DUSP29: variants seen among roughly 807,000 people sequenced by gnomAD.
The protein encoded by DUSP29 is dual specificity phosphatase 29.
Under a neutral mutation model 13.5 loss-of-function variants are expected in DUSP29, and 12 were observed. The ratio of observed to expected loss-of-function variants is 0.89; its 90% CI spans 0.57 to 1.44. The LOEUF (loss-of-function observed/expected upper bound fraction) is 1.44. Among genes scored for constraint, DUSP29 ranks in the 40% most tolerant of loss-of-function variants. The probability of loss-of-function intolerance (pLI) is 0.00; values close to 1 mark genes in which losing one functional copy is unlikely to be tolerated. For synonymous variants in DUSP29, 134 were observed against 128.7 expected (o/e 1.04, Z -0.28); for missense variants, 308 against 301.1 (o/e 1.02, Z -0.17).
At chr10:75,059,650 G>C (rs184041070) in intron 1 of DUSP29, among the ~76,000 whole-genome samples, 2 of 152,116 alleles carry the variant, frequency 1.3e-5, no homozygotes, top group African/African-American at 4.8e-5. Context: ...CTTAGTGTCA[G>C]GGGGAGGGAG....
At chr10:75,056,083 G>T (rs929403197) in intron 2 of DUSP29, among the ~76,000 whole-genome samples, 17 of 151,656 alleles carry the variant, frequency 1.1e-4, no homozygotes, top group African/African-American at 3.6e-4. Flanking sequence ...TGTTTTTTGT[G>T]TTTTTTTTGT....
intron 1 of DUSP29, among the ~76,000 whole-genome samples, chr10:75,071,524 C>T (rs1279247212): frequency 1.3e-5 from 2 of 152,226 alleles, no homozygotes; most frequent in Non-Finnish European, 2.9e-5. Flanking sequence ...ACCAGGTTCC[C>T]ACCCAACCCA....
intron 1 of DUSP29, among the ~76,000 whole-genome samples, chr10:75,065,581 G>A (rs1044388641): frequency 3.9e-5 from 6 of 152,030 alleles, no homozygotes; most frequent in Non-Finnish European, 8.8e-5. Context: ...CACCCACCTT[G>A]GCCTCTCAAA....
At chr10:75,072,737 G>A (rs1047057278) in intron 1 of DUSP29, among the ~76,000 whole-genome samples, 1 of 151,916 alleles carries the variant, frequency 6.6e-6, no homozygotes, top group Admixed American at 6.6e-5. Flanking sequence ...CCTCCTGTTC[G>A]CTGGAGCATT....
At chr10:75,059,635 A>G (rs1847045271) in intron 1 of DUSP29, among the ~76,000 whole-genome samples, 1 of 152,094 alleles carries the variant, frequency 6.6e-6, no homozygotes, top group Admixed American at 6.5e-5. Flanking sequence ...TCTGTAGCAC[A>G]GGGTCTTAGT....
chr10:75,059,042 G>A (rs1438356552), intron 1 of DUSP29, among the ~76,000 whole-genome samples: 10 of 152,198 alleles, frequency 6.6e-5, no homozygotes, highest in Non-Finnish European at 1.5e-4. Flanking sequence ...ACCTGCCCGG[G>A]CCTGGGTCTG....
chr10:75,063,571 T>C (rs1469565841), intron 1 of DUSP29, among the ~76,000 whole-genome samples: 1 of 152,118 alleles, frequency 6.6e-6, no homozygotes, highest in Non-Finnish European at 1.5e-5. Flanking sequence ...AAATATGTCC[T>C]GCACAGTCTC....
chr10:75,043,284 C>G (rs1044542645), intron 3 of DUSP29, among the ~76,000 whole-genome samples: 1 of 152,184 alleles, frequency 6.6e-6, no homozygotes, highest in East Asian at 1.9e-4. Context: ...AAGTCAGCTC[C>G]CTGAGGGTTT....
chr10:75,053,352 G>A (rs576970741), intron 2 of DUSP29, among the ~76,000 whole-genome samples: 4 of 152,152 alleles, frequency 2.6e-5, no homozygotes, highest in South Asian at 2.1e-4. Context: ...TTCAAAAGTC[G>A]AGCCTAGATC....
intron 1 of DUSP29, among the ~76,000 whole-genome samples, chr10:75,072,471 C>A (rs749572352): frequency 6.6e-6 from 1 of 152,148 alleles, no homozygotes; most frequent in Non-Finnish European, 1.5e-5. Context: ...TCAGACCCAC[C>A]CCATGTCCAC....
intron 1 of DUSP29, among the ~76,000 whole-genome samples, chr10:75,066,346 A>G (rs893858997): frequency 1.3e-5 from 2 of 152,064 alleles, no homozygotes; most frequent in Admixed American, 1.3e-4. Flanking sequence ...ACCCTTCAAC[A>G]GAATTGTTAC....
chr10:75,038,388 C>A (rs1310994706), intron 3 of DUSP29, among the ~76,000 whole-genome samples: 14 of 152,164 alleles, frequency 9.2e-5, no homozygotes, highest in Non-Finnish European at 2.1e-4. Flanking sequence ...CAAGCACCCA[C>A]TTCTTGATTG....
intron 2 of DUSP29, among the ~76,000 whole-genome samples, chr10:75,049,530 C>T (rs1011716407): frequency 6.6e-6 from 1 of 152,252 alleles, no homozygotes; most frequent in African/African-American, 2.4e-5. Flanking sequence ...ACCGTCTTGC[C>T]TGTGACTGCT....
At chr10:75,048,875 G>A (rs1473713144) in intron 2 of DUSP29, among the ~76,000 whole-genome samples, 1 of 152,210 alleles carries the variant, frequency 6.6e-6, no homozygotes, top group Non-Finnish European at 1.5e-5. Context: ...GCTGACAGCT[G>A]AAACTGACGC....
At chr10:75,041,103 G>C (rs12219681) in intron 3 of DUSP29, among the ~76,000 whole-genome samples, 4,713 of 152,266 alleles carry the variant, frequency 0.031, 202 homozygotes, top group East Asian at 0.16. Flanking sequence ...CTTACATAGA[G>C]AGTGTAAGAA....
chr10:75,046,164 C>T (rs1024278016), intron 2 of DUSP29, among the ~76,000 whole-genome samples: 2 of 152,110 alleles, frequency 1.3e-5, no homozygotes, highest in East Asian at 1.9e-4. Flanking sequence ...ATCAATCTGG[C>T]TGATGTGTGG....
In DUSP29 at chr10:75,052,368, G is replaced by A. The variant is rs149192100; in HGVS notation, c.200+5947C>T. On this transcript the variant is annotated intron_variant, in intron 2 of 3. Coordinates refer to ENST00000338487, the MANE Select transcript of DUSP29 (RefSeq NM_001003892.3). ...TGTCACCAGGCTGGAGTGCAGTGGC[G>A]CGATCTCGGCTCACTGCAACCTCCG... 1.7e-3 allele frequency among the ~76,000 whole-genome samples: 256 copies of A among 147,770 alleles called. 2 individuals carry two copies. The highest frequency in any genetic ancestry group is 6.2e-3 in the African/African-American group (246 of 39,916).
chr10:75,048,556 T>C (rs1340831146), intron 2 of DUSP29, among the ~76,000 whole-genome samples: 10 of 152,080 alleles, frequency 6.6e-5, no homozygotes, highest in East Asian at 1.9e-4. Context: ...TGTGCCACCA[T>C]GCGTGGCTAA....
intron 1 of DUSP29, among the ~76,000 whole-genome samples, chr10:75,066,312 G>A (rs1847199641): frequency 6.6e-6 from 1 of 151,918 alleles, no homozygotes; most frequent in African/African-American, 2.4e-5. Context: ...CCATAGCTGT[G>A]GCAGCCCTCT....
Sources: allele counts gnomAD v4.1 joint callset (sites outside exome capture counted in the v4.1 genomes callset), GRCh38; gene constraint gnomAD v4.1.1; transcripts MANE v1.5; gene names NCBI Gene and HGNC (gene_info 2026-07-23, HGNC 2026-07-21).